The following TMEM39A variants were observed in gnomAD, a reference collection of about 807,000 sequenced individuals.
TMEM39A encodes the protein transmembrane protein 39A.
Under a neutral mutation model 51.9 loss-of-function variants are expected in TMEM39A, and 19 were observed. The observed-to-expected ratio is 0.37, with a 90% CI of 0.26 to 0.54. The LOEUF (loss-of-function observed/expected upper bound fraction) is 0.54, where lower values mean the gene tolerates loss of function less well. Ranked by LOEUF, TMEM39A falls within the 20% of genes least tolerant of loss-of-function variation. The pLI is 0.88. For synonymous variants in TMEM39A, 197 were observed against 220.2 expected, an observed-to-expected ratio of 0.89 and a Z score of 0.93; for missense variants, 433 against 590.5, an observed-to-expected ratio of 0.73 and a Z score of 2.76.
intron 8 of TMEM39A, 45 bp from the exon 9 acceptor site, chr3:119,432,259 A>T (rs2107655799): frequency 7.3e-7 from 1 of 1,371,248 alleles, no homozygotes; most frequent in Non-Finnish European, 1.0e-6. Context: ...ATAGAAAAGT[A>T]ATGGCTACAG....
chr3:119,447,241 T>C (rs1464877472), intron 4 of TMEM39A, 69 bp from the exon 5 acceptor site: 1 of 1,529,358 alleles, frequency 6.5e-7, no homozygotes, highest in African/African-American at 1.4e-5. Flanking sequence ...GTAATTCAAG[T>C]AAGAACTTAA....
In TMEM39A at chr3:119,447,089, C is replaced by A. The variant is rs1372011960; in HGVS notation, c.504G>T (p.Trp168Cys). Residue 168 changes from tryptophan to cysteine, a missense_variant, in exon 5 of 9, where the codon TGG (tryptophan) becomes TGT (cysteine). Transcript: ENST00000319172. Reference protein sequence around the residue: ...ARLVLLTLCGWVLCWTLVNLF... With the variant: ...ARLVLLTLCGCVLCWTLVNLF... ...GATTGACGAGGGTCCAACAAAGTAC[C>A]CATCCACACAAAGTGAGTAGTACCA... The A allele has an allele frequency of 1.9e-6, 3 of 1,614,064 alleles. No homozygotes were observed.
intron 4 of TMEM39A, among the ~76,000 whole-genome samples, chr3:119,451,823 T>A (rs1417915867): frequency 1.5e-5 from 1 of 66,006 alleles, no homozygotes; most frequent in African/African-American, 7.0e-5. Context: ...AGAGTGAAAC[T>A]CCGTCTCAAA....
chr3:119,431,470 C>G lies in TMEM39A; in HGVS notation c.*511G>C, dbSNP rs1165694780. 1 of 152,346 alleles carries G rather than the reference C, an allele frequency of 6.6e-6. No individual in the cohort carries two copies. The highest frequency in any genetic ancestry group is 6.5e-5 in the Admixed American group (1 of 15,276). 9.4% of individuals were successfully genotyped at this position (152,346 alleles called of 1,614,324 possible). A position where few individuals can be genotyped will look rare whatever the true frequency, so the allele number is the denominator to read the frequency against. On this transcript the variant is annotated 3_prime_UTR_variant, in exon 9 of 9. Transcript: ENST00000319172. ...TCTTAGAAAGGAAGCCTACTGCTTTCTCCTGGTAGGCAACAAAGAGAACCC... is the reference window on the plus strand; with the variant it reads ...TCTTAGAAAGGAAGCCTACTGCTTTGTCCTGGTAGGCAACAAAGAGAACCC...
At chr3:119,433,910 TC>T (rs1225323947) in intron 8 of TMEM39A, among the ~76,000 whole-genome samples, 1 of 152,146 alleles carries the variant, frequency 6.6e-6, no homozygotes. Flanking sequence ...GAAGTGTCCC[TC>T]AATAACAAAC....
At chr3:119,438,287 A>G (rs749190707) in intron 5 of TMEM39A, among the ~76,000 whole-genome samples, 184 bp from the exon 6 acceptor site, 3 of 152,212 alleles carry the variant, frequency 2.0e-5, no homozygotes, top group Non-Finnish European at 4.4e-5. Context: ...ATTTCTTTCC[A>G]TAAGAGCAGT....
chr3:119,440,061 C>A (rs1335372377), intron 5 of TMEM39A, among the ~76,000 whole-genome samples: 1 of 152,132 alleles, frequency 6.6e-6, no homozygotes, highest in Non-Finnish European at 1.5e-5. Context: ...AGCCACCGCA[C>A]CCAGACAGAG....
At chr3:119,447,200 C>T in intron 4 of TMEM39A, 28 bp from the exon 5 acceptor site, 1 of 1,600,906 alleles carries the variant, frequency 6.2e-7, no homozygotes, top group Non-Finnish European at 8.5e-7. Context: ...CCAAAATGAA[C>T]ATTTTGTAAA....
intron 5 of TMEM39A, among the ~76,000 whole-genome samples, chr3:119,445,660 G>C (rs2107673448): frequency 6.6e-6 from 1 of 152,312 alleles, no homozygotes; most frequent in South Asian, 2.1e-4. Context: ...GAAGTATTGA[G>C]GAGGAAGCAA....
chr3:119,439,945 T>C (rs1024672342), intron 5 of TMEM39A, among the ~76,000 whole-genome samples: 1 of 152,120 alleles, frequency 6.6e-6, no homozygotes, highest in African/African-American at 2.4e-5. Context: ...TTATTTTATT[T>C]TTGGTAGAAA....
chr3:119,435,152 A>G (rs1001616890), intron 7 of TMEM39A: 1 of 985,366 alleles, frequency 1.0e-6, no homozygotes, highest in Non-Finnish European at 1.2e-6. Context: ...GAATGAGCAG[A>G]CATAAATGTG....
At chr3:119,435,490 G>C (rs1313949573) in intron 7 of TMEM39A, 4 of 984,738 alleles carry the variant, frequency 4.1e-6, no homozygotes, top group Non-Finnish European at 4.8e-6. Flanking sequence ...GTTTCTCTGG[G>C]GGAAAAGAAG....
At chr3:119,445,216 A>C (rs2081107909) in intron 5 of TMEM39A, among the ~76,000 whole-genome samples, 1 of 152,200 alleles carries the variant, frequency 6.6e-6, no homozygotes, top group East Asian at 1.9e-4. Flanking sequence ...ACATTTAACA[A>C]AACTCCATAT....
intron 5 of TMEM39A, among the ~76,000 whole-genome samples, chr3:119,440,171 G>A (rs2081032099): frequency 6.6e-6 from 1 of 152,164 alleles, no homozygotes; most frequent in African/African-American, 2.4e-5. Flanking sequence ...TGCATGTGTA[G>A]GTGTAGAGGT....
At chr3:119,451,994 C>T (rs866885970) in intron 4 of TMEM39A, among the ~76,000 whole-genome samples, 5 of 152,118 alleles carry the variant, frequency 3.3e-5, no homozygotes, top group Admixed American at 6.5e-5. Context: ...AATTCTGATA[C>T]TCACTGGTTT....
At chr3:119,462,723 T>G (rs951311032) in intron 1 of TMEM39A, among the ~76,000 whole-genome samples, 1 of 150,268 alleles carries the variant, frequency 6.7e-6, no homozygotes, top group Non-Finnish European at 1.5e-5. Flanking sequence ...GTAGTTCTTT[T>G]AACAGTTTAA....
chr3:119,454,732 T>A (rs2081243040), intron 3 of TMEM39A, among the ~76,000 whole-genome samples: 1 of 152,056 alleles, frequency 6.6e-6, no homozygotes, highest in Non-Finnish European at 1.5e-5. Context: ...GAGGTTGCAG[T>A]GAGCAGAGGT....
chr3:119,435,869 A>G (rs1194659199), intron 7 of TMEM39A: 1 of 1,289,614 alleles, frequency 7.8e-7, no homozygotes, highest in East Asian at 5.5e-5. Flanking sequence ...TCCTTTGCCC[A>G]CAGTCGGGTT....
At chr3:119,451,732 A>G (rs1211170787) in intron 4 of TMEM39A, among the ~76,000 whole-genome samples, 3 of 147,856 alleles carry the variant, frequency 2.0e-5, no homozygotes, top group African/African-American at 7.5e-5. Flanking sequence ...TGGGAGGCTG[A>G]GGCAGGAAAA....
Sources: gnomAD v4.1 joint callset for allele counts (sites outside exome capture counted in the v4.1 genomes callset) on GRCh38, gnomAD v4.1.1 for gene constraint, MANE v1.5 for transcripts, NCBI Gene and HGNC (gene_info 2026-07-23, HGNC 2026-07-21) for gene names.